The following CD8B2 variants were observed in gnomAD, a reference collection of about 807,000 sequenced individuals.
CD8B2 encodes the protein CD8B family member 2.
Under a neutral mutation model 23.7 loss-of-function variants are expected in CD8B2, and 11 were observed. The ratio of observed to expected loss-of-function variants is 0.46; its 90% CI spans 0.29 to 0.77. CD8B2 has a LOEUF of 0.77. Among genes scored for constraint, CD8B2 ranks in the 30% least tolerant of loss-of-function variants. The pLI, the probability that CD8B2 is intolerant of heterozygous loss-of-function variation, is 0.09. For synonymous variants in CD8B2, 90 were observed against 109.3 expected, an observed-to-expected ratio of 0.82 and a Z score of 1.10; for missense variants, 197 against 270.5, an observed-to-expected ratio of 0.73 and a Z score of 1.91.
At chr2:106,542,830 A>C (rs974961213) in intron 5 of CD8B2, among the ~76,000 whole-genome samples, 1 of 151,958 alleles carries the variant, frequency 6.6e-6, no homozygotes, top group South Asian at 2.1e-4. Flanking sequence ...TGTATAAGTG[A>C]ATACATGTGC....
chr2:106,520,715 A>G (rs1679810339), intron 5 of CD8B2, among the ~76,000 whole-genome samples: 1 of 152,024 alleles, frequency 6.6e-6, no homozygotes, highest in Admixed American at 6.6e-5. Context: ...CTGAAAATAC[A>G]AAAAATTAGC....
chr2:106,503,628 G>A (rs1241459966), intron 4 of CD8B2, among the ~76,000 whole-genome samples: 3 of 152,096 alleles, frequency 2.0e-5, no homozygotes, highest in Admixed American at 6.6e-5. Flanking sequence ...AATATTTTAT[G>A]TATGTTATTA....
chr2:106,491,324 G>C, intron 2 of CD8B2, 91 bp downstream of exon 2: 1 of 1,185,366 alleles, frequency 8.4e-7, no homozygotes, highest in South Asian at 1.4e-5. Flanking sequence ...GTGTGCCCCT[G>C]TCTGCAGCTG....
intron 2 of CD8B2, 114 bp downstream of exon 2, chr2:106,491,347 C>T (rs1409859360): frequency 1.1e-6 from 1 of 890,530 alleles, no homozygotes; most frequent in Non-Finnish European, 1.8e-6. Context: ...ACTAATGGCA[C>T]TGCTGCTAAT....
At chr2:106,499,426 G>C (rs1278449064) in intron 3 of CD8B2, among the ~76,000 whole-genome samples, 1 of 151,518 alleles carries the variant, frequency 6.6e-6, no homozygotes, top group East Asian at 1.9e-4. Context: ...CAACGACTTA[G>C]GAGGCTGAGG....
intron 5 of CD8B2, among the ~76,000 whole-genome samples, chr2:106,530,929 A>T (rs1236399479): frequency 1.3e-5 from 2 of 152,234 alleles, no homozygotes; most frequent in Non-Finnish European, 2.9e-5. Flanking sequence ...TGGGCTAAAA[A>T]GGGGAGGCAT....
intron 3 of CD8B2, among the ~76,000 whole-genome samples, chr2:106,500,560 A>ATAAATAAATAATTAATTAAT (rs370350218): frequency 1.0e-4 from 12 of 119,066 alleles, no homozygotes; most frequent in Non-Finnish European, 1.6e-4. Flanking sequence ...AAATAAATAA[A>ATAAATAAATAATTAATTAAT]TAATTAAAAA....
intron 5 of CD8B2, chr2:106,543,291 G>T (rs1181375666): frequency 6.6e-6 from 1 of 152,200 alleles, no homozygotes; most frequent in Non-Finnish European, 1.5e-5. Flanking sequence ...GGAGGCTGAG[G>T]CCTCCTGGGA....
Position 106,491,856 on chromosome 2 carries a change from ATTC to A in CD8B2, c.403+629_403+631del, listed in dbSNP as rs1255455988. Among the ~76,000 whole-genome samples, 8 of 152,262 alleles carry A rather than the reference ATTC, an allele frequency of 5.3e-5. No homozygotes were observed. In the East Asian group the frequency reaches 9.7e-4, roughly 18 times the overall value. On this transcript the variant is annotated intron_variant, in intron 2 of 5. Coordinates refer to ENST00000643224, the MANE Select transcript of CD8B2 (RefSeq NM_001349727.2). ...GAGCCACCGTGCCTGGCCAGGCATTATTCTTCTTATGGGGACAGGGCAGTGCGG... is the reference window on the plus strand; with the variant it reads ...GAGCCACCGTGCCTGGCCAGGCATTATTCTTATGGGGACAGGGCAGTGCGG...
Position 106,487,436 on chromosome 2 carries a change from C to T in CD8B2, c.10C>T (p.Arg4Trp), listed in dbSNP as rs1184482883. The change falls in exon 1 of 6, where the codon CGG (arginine) becomes TGG (tryptophan). Residue 4 changes from arginine to tryptophan, a missense_variant. Arg to Trp is a moderately radical substitution (Grantham distance 101). Coordinates refer to ENST00000643224, the MANE Select transcript of CD8B2 (RefSeq NM_001349727.2). MRPRLWLLLAAQLT... is the reference protein window; with the variant it reads MRPWLWLLLAAQLT... ...TCCCGGGCGCGCCCCGATGCGGCCGCGGCTGTGGCTCCTCCTGGCCGCGCA... is the reference window on the plus strand; with the variant it reads ...TCCCGGGCGCGCCCCGATGCGGCCGTGGCTGTGGCTCCTCCTGGCCGCGCA... 1.4e-5 allele frequency: 17 copies of T among 1,247,438 alleles called. No individual in the cohort carries two copies. Among genetic ancestry groups the T allele is most frequent in the Middle Eastern group, 3.1e-4 (1 of 3,268 alleles). 77.3% of individuals were successfully genotyped at this position (1,247,438 alleles called of 1,614,324 possible).
At chr2:106,495,049 C>A (rs906143889) in intron 2 of CD8B2, among the ~76,000 whole-genome samples, 4 of 152,182 alleles carry the variant, frequency 2.6e-5, no homozygotes, top group Middle Eastern at 3.4e-3. Flanking sequence ...GCTGGGCGAT[C>A]CAGCCCTGGG....
intron 5 of CD8B2, chr2:106,522,267 C>T (rs547225784): frequency 3.5e-4 from 53 of 152,204 alleles, no homozygotes; most frequent in African/African-American, 1.2e-3. Context: ...TTTCCTCTCC[C>T]AAAATATGAC....
intron 3 of CD8B2, among the ~76,000 whole-genome samples, chr2:106,496,789 T>C (rs1183622711): frequency 6.6e-6 from 1 of 151,798 alleles, no homozygotes; most frequent in African/African-American, 2.4e-5. Flanking sequence ...TGATTCCTAA[T>C]GGGTATAAGG....
At chr2:106,529,317 G>T (rs1280226794) in intron 5 of CD8B2, among the ~76,000 whole-genome samples, 2 of 152,200 alleles carry the variant, frequency 1.3e-5, no homozygotes, top group Non-Finnish European at 2.9e-5. Context: ...AGCAGAGAGG[G>T]ACCAGTTGCC....
At chr2:106,529,408 A>C (rs1165970680) in intron 5 of CD8B2, among the ~76,000 whole-genome samples, 1 of 152,124 alleles carries the variant, frequency 6.6e-6, no homozygotes, top group Admixed American at 6.5e-5. Context: ...AACTGATAAG[A>C]TAGGACCCAT....
At chr2:106,506,549 AG>A (rs1482418207) in intron 5 of CD8B2, among the ~76,000 whole-genome samples, 2 of 150,988 alleles carry the variant, frequency 1.3e-5, no homozygotes, top group Non-Finnish European at 3.0e-5. Flanking sequence ...TGGTGCTCAC[AG>A]ATCTGAGTTG....
chr2:106,510,182 T>C lies in CD8B2; in HGVS notation c.*3242T>C, dbSNP rs1359797512. On this transcript the variant is annotated 3_prime_UTR_variant, in exon 6 of 6. Coordinates refer to ENST00000643224, the MANE Select transcript of CD8B2 (RefSeq NM_001349727.2). ...AAAACAAATATATGTTGTTAGAAGT[T>C]AGGATACAGTTACCCTTGGTCCAGT... 6.6e-6 allele frequency: 1 copy of C among 152,182 alleles called. No homozygotes were observed. Among genetic ancestry groups the C allele is most frequent in the African/African-American group, 2.4e-5 (1 of 41,428 alleles). 9.4% of individuals were successfully genotyped at this position (152,182 alleles called of 1,614,324 possible).
chr2:106,507,260 G>A lies in CD8B2; in HGVS notation c.*320G>A, dbSNP rs956561489. ...TTTCCCTGAGCTGGGACCTTTAGTG[G>A]TGGCCGTTTAGCCACCATCTTTGCA... On this transcript the variant is annotated 3_prime_UTR_variant, in exon 6 of 6. Transcript: ENST00000643224. 1 of 1,155,038 alleles carries A rather than the reference G, an allele frequency of 8.7e-7. No homozygotes were observed. The highest frequency in any genetic ancestry group is 1.1e-6 in the Non-Finnish European group (1 of 936,856). 71.5% of individuals were successfully genotyped at this position (1,155,038 alleles called of 1,614,324 possible). A position where few individuals can be genotyped will look rare whatever the true frequency, so the allele number is the denominator to read the frequency against.
chr2:106,504,404 C>G lies in CD8B2; in HGVS notation c.620+79C>G. The G allele has an allele frequency of 2.6e-6, 4 of 1,550,120 alleles. No individual in the cohort carries two copies. In the South Asian group the frequency reaches 4.8e-5, roughly 18 times the overall value. On this transcript the variant is annotated intron_variant, in intron 5 of 5. Coordinates refer to ENST00000643224, the MANE Select transcript of CD8B2 (RefSeq NM_001349727.2). ...GCAGCCTCTAACTGCGGCGAGGAGC[C>G]AAAGTCAGACCTCATCTTCCAAAGA... is the stretch of plus-strand genomic sequence containing the variant.
Sources: gnomAD v4.1 joint callset for allele counts (sites outside exome capture counted in the v4.1 genomes callset) on GRCh38, gnomAD v4.1.1 for gene constraint, MANE v1.5 for transcripts, NCBI Gene and HGNC (gene_info 2026-07-23, HGNC 2026-07-21) for gene names.